The following BLMH variants were observed in gnomAD, a reference collection of about 807,000 sequenced individuals.
BLMH encodes the protein BLM hydrolase.
A neutral mutation model predicts 61.6 loss-of-function variants in BLMH; 32 were observed. The observed-to-expected ratio is 0.52, with a 90% CI of 0.39 to 0.70. BLMH has a LOEUF of 0.70. Among genes scored for constraint, BLMH ranks in the 30% least tolerant of loss-of-function variants. The pLI is 0.00. For synonymous variants in BLMH, 183 were observed against 193.8 expected (o/e 0.94, Z 0.46); for missense variants, 460 against 555.5 (o/e 0.83, Z 1.73).
chr17:30,275,817 G>C (rs890331791), intron 6 of BLMH, among the ~76,000 whole-genome samples: 5 of 152,086 alleles, frequency 3.3e-5, no homozygotes, highest in Admixed American at 1.3e-4. Context: ...TGATCTGCCT[G>C]TCCCTTTTGC....
At chr17:30,272,661 A>G (rs746779129) in intron 8 of BLMH, 33 bp from the exon 9 acceptor site, 1 of 1,614,216 alleles carries the variant, frequency 6.2e-7, no homozygotes, top group Admixed American at 1.7e-5. Flanking sequence ...GAAAGTCAAC[A>G]TAAACCCCAT....
At chr17:30,270,501 CAAA>C (rs5819891) in intron 10 of BLMH, among the ~76,000 whole-genome samples, 8 of 72,136 alleles carry the variant, frequency 1.1e-4, no homozygotes, top group African/African-American at 1.7e-4. Flanking sequence ...GACTCCATCT[CAAA>C]AAAAAAAAAA....
At chr17:30,287,687 A>G (rs1018536952) in intron 4 of BLMH, 119 bp downstream of exon 4, 84 of 1,175,058 alleles carry the variant, frequency 7.1e-5, no homozygotes, top group Non-Finnish European at 9.5e-5. Context: ...AAATAACTAT[A>G]TATCCTTCTT....
At chr17:30,258,086 G>C (rs1050037637) in intron 11 of BLMH, among the ~76,000 whole-genome samples, 2 of 152,066 alleles carry the variant, frequency 1.3e-5, no homozygotes, top group African/African-American at 4.8e-5. Flanking sequence ...TCCTGCCTCA[G>C]CCCCCTGGGT....
At chr17:30,255,034 TC>T (rs1205645690) in intron 11 of BLMH, among the ~76,000 whole-genome samples, 2 of 152,226 alleles carry the variant, frequency 1.3e-5, no homozygotes, top group East Asian at 3.8e-4. Flanking sequence ...GTTTAATCAG[TC>T]CCCTATTGTT....
At chr17:30,254,857 C>T (rs1314268299) in intron 11 of BLMH, among the ~76,000 whole-genome samples, 1 of 152,200 alleles carries the variant, frequency 6.6e-6, no homozygotes, top group Non-Finnish European at 1.5e-5. Flanking sequence ...TCTGCATGTA[C>T]TAGACCCTTT....
intron 11 of BLMH, 78 bp downstream of exon 11, chr17:30,266,807 T>C (rs1908123699): frequency 3.8e-6 from 5 of 1,308,214 alleles, no homozygotes; most frequent in Admixed American, 1.7e-5. Context: ...TCCTCCACAC[T>C]AGAGCAGCTT....
rs1181479146 is a variant in BLMH at position 30,267,054 on chromosome 17, C to A, written c.1147-100G>T. 3 of 984,900 alleles carry A rather than the reference C, an allele frequency of 3.0e-6. No individual in the cohort carries two copies. In the African/African-American group the frequency reaches 4.8e-5, roughly 16 times the overall value. 61.0% of individuals were successfully genotyped at this position (984,900 alleles called of 1,614,324 possible). A position where few individuals can be genotyped will look rare whatever the true frequency, so the allele number is the denominator to read the frequency against. On this transcript the variant is annotated intron_variant, in intron 10 of 11. Transcript: ENST00000261714. Reference sequence around the variant, plus strand: ...TTCTGTAGCCACTTGAAAGAAACAGCCTGCTCTATACAGGCAGCCTGCTCT... The same window carrying A: ...TTCTGTAGCCACTTGAAAGAAACAGACTGCTCTATACAGGCAGCCTGCTCT...
chr17:30,286,790 C>T (rs368755877), intron 5 of BLMH, 24 bp downstream of exon 5: 21 of 1,520,560 alleles, frequency 1.4e-5, no homozygotes, highest in Non-Finnish European at 1.9e-5. Context: ...TAAACTCAAT[C>T]CCACCCTGCT....
chr17:30,266,481 C>T (rs1401709747), intron 11 of BLMH, among the ~76,000 whole-genome samples: 4 of 143,724 alleles, frequency 2.8e-5, no homozygotes, highest in African/African-American at 1.1e-4. Context: ...GCCAAGATTA[C>T]GTCACTGCAC....
At chr17:30,259,411 T>G (rs1343428822) in intron 11 of BLMH, among the ~76,000 whole-genome samples, 1 of 152,164 alleles carries the variant, frequency 6.6e-6, no homozygotes, top group Non-Finnish European at 1.5e-5. Flanking sequence ...CACCATGTTC[T>G]TCCTGACGCC....
chr17:30,290,784 AC>A (rs1908864255), intron 2 of BLMH, among the ~76,000 whole-genome samples: 1 of 152,204 alleles, frequency 6.6e-6, no homozygotes, highest in African/African-American at 2.4e-5. Flanking sequence ...TGAGAACAGA[AC>A]TTTTTTCTGT....
In BLMH at chr17:30,271,273, T is replaced by G; in HGVS notation, c.1144A>C (p.Lys382Gln). Residue 382 changes from lysine (K) to glutamine (Q), a missense_variant and splice_region_variant, in exon 10 of 12, where the codon AAG becomes CAG. Lys to Gln is a moderately conservative substitution (Grantham distance 53). Transcript: ENST00000261714. ...HAMTFTAVSE[K>Q]DDQDGAFTKW... ...AGCAGGCATGCTGAGGGTCATACCT[T>G]CTCTGAGACAGCAGTGAAGGTCATG... is the stretch of plus-strand genomic sequence containing the variant. 1.2e-6 allele frequency: 2 copies of G among 1,608,126 alleles called. No individual in the cohort carries two copies. The highest frequency in any genetic ancestry group is 4.5e-5 in the East Asian group (2 of 44,856).
At chr17:30,270,439 T>C (rs1363968932) in intron 10 of BLMH, among the ~76,000 whole-genome samples, 2 of 151,226 alleles carry the variant, frequency 1.3e-5, no homozygotes, top group African/African-American at 4.9e-5. Flanking sequence ...GAGGTGGAGG[T>C]TGCAGTGAGC....
rs1224420810 is a variant in BLMH at position 30,249,023 on chromosome 17, A to G, written c.1362T>C (p.Ala454=). The G allele has an allele frequency of 2.5e-6, 4 of 1,613,854 alleles. No individual in the cohort carries two copies. The highest frequency in any genetic ancestry group is 3.4e-6 in the Non-Finnish European group (4 of 1,179,924). The change falls in exon 12 of 12, where the codon GCT becomes GCC. Residue 454 remains alanine, a synonymous_variant. Coordinates refer to ENST00000261714, the MANE Select transcript of BLMH (RefSeq NM_000386.4). ...AAAGAGCTGGAGGGCAGTATCACTC[A>G]GCCAAAGCTCCCATGGGGTCCCATG... The part of the protein sequence containing the change: ...LPAWDPMGAL[A]E
chr17:30,279,483 C>G (rs1908523001), intron 6 of BLMH, among the ~76,000 whole-genome samples: 1 of 152,088 alleles, frequency 6.6e-6, no homozygotes, highest in African/African-American at 2.4e-5. Flanking sequence ...ATATATAGTC[C>G]CTTTCTAGCA....
intron 11 of BLMH, among the ~76,000 whole-genome samples, chr17:30,257,094 A>C (rs74630647): frequency 6.6e-6 from 1 of 152,242 alleles, no homozygotes; most frequent in African/African-American, 2.4e-5. Context: ...ATAGATACAC[A>C]GTACTTACAT....
chr17:30,266,539 GAAAA>G (rs1270602877), intron 11 of BLMH, among the ~76,000 whole-genome samples: 1 of 133,742 alleles, frequency 7.5e-6, no homozygotes, highest in Non-Finnish European at 1.6e-5. Flanking sequence ...AAAAAAAAAA[GAAAA>G]AAAAAAGAAA....
At chr17:30,290,599 G>A (rs576701891) in intron 2 of BLMH, among the ~76,000 whole-genome samples, 1 of 152,214 alleles carries the variant, frequency 6.6e-6, no homozygotes, top group Admixed American at 6.5e-5. Flanking sequence ...TAGATAGACT[G>A]GGGGGTCGTT....
Sources: allele counts gnomAD v4.1 joint callset (sites outside exome capture counted in the v4.1 genomes callset), GRCh38; gene constraint gnomAD v4.1.1; transcripts MANE v1.5; gene names NCBI Gene and HGNC (gene_info 2026-07-23, HGNC 2026-07-21).